The following ITSN1 variants were observed in gnomAD, a reference collection of about 807,000 sequenced individuals.
ITSN1 encodes intersectin 1.
In ITSN1, 58 loss-of-function variants were observed where a neutral mutation model predicts 239.8. The observed-to-expected ratio is 0.24, with a 90% CI of 0.20 to 0.30. ITSN1 has a LOEUF of 0.30. ITSN1 is among the 10% of genes least tolerant of loss of function. The pLI is 1.00. For missense variants in ITSN1, 1,558 were observed against 2,103.3 expected (o/e 0.74, Z 5.07); for synonymous variants, 780 against 770.8 (o/e 1.01, Z -0.20).
chr21:33,776,417 C>T (rs1332247617), intron 14 of ITSN1, among the ~76,000 whole-genome samples: 15 of 149,378 alleles, frequency 1.0e-4, no homozygotes, highest in Admixed American at 1.0e-3. Context: ...TAAAAATTAG[C>T]TGGCATGGGG....
At chr21:33,795,163 G>C (rs2071439562) in intron 17 of ITSN1, among the ~76,000 whole-genome samples, 1 of 152,130 alleles carries the variant, frequency 6.6e-6, no homozygotes, top group Non-Finnish European at 1.5e-5. Flanking sequence ...ATTGAAATTA[G>C]ATTAAGGCCA....
At chr21:33,779,430 C>T (rs2069965811) in intron 14 of ITSN1, among the ~76,000 whole-genome samples, 1 of 151,986 alleles carries the variant, frequency 6.6e-6, no homozygotes, top group South Asian at 2.1e-4. Flanking sequence ...TCTTCTAATT[C>T]TTTCACCTTT....
Position 33,865,120 on chromosome 21 carries a change from C to G in ITSN1, c.3891-31C>G, listed in dbSNP as rs759945221. 1 of 1,592,978 alleles carries G rather than the reference C, an allele frequency of 6.3e-7. No individual in the cohort carries two copies. Among genetic ancestry groups the G allele is most frequent in the Admixed American group, 1.7e-5 (1 of 58,676 alleles). ...GTGGTGCTGTCAGATAGCGTGAAAG[C>G]AGGGGGCTCACCTCCCGTGTTTCCG... On this transcript the variant is annotated intron_variant, in intron 31 of 39. Transcript: ENST00000381318. The surrounding 1 kb of genome is among the most constrained non-coding windows in gnomAD (Gnocchi z 4.4).
At chr21:33,855,197 G>C (rs41386447) in intron 29 of ITSN1, among the ~76,000 whole-genome samples, 3,002 of 152,322 alleles carry the variant, frequency 0.02, 35 homozygotes, top group Non-Finnish European at 0.029. Flanking sequence ...GCCAGAGCAG[G>C]CTTCTTGAAC....
At chr21:33,749,016 T>G (rs2067372332) in intron 5 of ITSN1, among the ~76,000 whole-genome samples, 1 of 148,150 alleles carries the variant, frequency 6.7e-6, no homozygotes, top group Non-Finnish European at 1.5e-5. Context: ...GAGACAAGGA[T>G]CTCACTGTAT....
In ITSN1 at chr21:33,888,476, C is replaced by T. The variant is rs866417555; in HGVS notation, c.*176C>T. On this transcript the variant is annotated 3_prime_UTR_variant, in exon 40 of 40. Coordinates refer to ENST00000381318, the MANE Select transcript of ITSN1 (RefSeq NM_003024.3). ...TCATTCTCGACAATCCTCCCTGCCC[C>T]GAAACAATTTCCTGTTTCATGAAAC... is the stretch of plus-strand genomic sequence containing the variant. 13 of 617,394 alleles carry T rather than the reference C, an allele frequency of 2.1e-5. No homozygotes were observed. The highest frequency in any genetic ancestry group is 6.3e-5 in the Admixed American group (2 of 31,846). 38.2% of individuals were successfully genotyped at this position (617,394 alleles called of 1,614,324 possible).
intron 33 of ITSN1, among the ~76,000 whole-genome samples, chr21:33,869,778 C>T (rs1256068614): frequency 6.6e-6 from 1 of 151,564 alleles, no homozygotes; most frequent in Non-Finnish European, 1.5e-5. Flanking sequence ...GTGCTCATTG[C>T]TACTGGGGTG....
intron 22 of ITSN1, among the ~76,000 whole-genome samples, chr21:33,816,429 T>C (rs2073276110): frequency 6.6e-6 from 1 of 152,208 alleles, no homozygotes; most frequent in Non-Finnish European, 1.5e-5. Context: ...TAAACTTTAA[T>C]AGCCTTTTGG....
At chr21:33,711,191 G>C (rs2146957652) in intron 1 of ITSN1, among the ~76,000 whole-genome samples, 1 of 152,158 alleles carries the variant, frequency 6.6e-6, no homozygotes, top group East Asian at 1.9e-4. Flanking sequence ...TATCTACACT[G>C]TCAAATTTAT....
At chr21:33,824,463 A>G (rs181538782) in intron 25 of ITSN1, among the ~76,000 whole-genome samples, 8 of 152,134 alleles carry the variant, frequency 5.3e-5, no homozygotes, top group Admixed American at 5.2e-4. Context: ...AAGTGTTGAC[A>G]GTCAATTCAC....
chr21:33,733,280 A>C (rs1232413734), intron 4 of ITSN1, among the ~76,000 whole-genome samples: 1 of 152,154 alleles, frequency 6.6e-6, no homozygotes, highest in African/African-American at 2.4e-5. Context: ...AATGTATATT[A>C]GTTCAGTGAG....
At chr21:33,798,922 G>A (rs1283637445) in intron 18 of ITSN1, among the ~76,000 whole-genome samples, 1 of 152,032 alleles carries the variant, frequency 6.6e-6, no homozygotes, top group Non-Finnish European at 1.5e-5. Flanking sequence ...ATTGATCTTA[G>A]GAAGTTAGTT....
rs532805922 is a variant in ITSN1 at position 33,892,881 on chromosome 21, A to G, written c.*4581A>G. Reference sequence around the variant, plus strand: ...TCATGAGGTGATATCGTAAAGCAGCAGAAAGACTGAGGGTGCAAAGAAACC... The same window carrying G: ...TCATGAGGTGATATCGTAAAGCAGCGGAAAGACTGAGGGTGCAAAGAAACC... On this transcript the variant is annotated 3_prime_UTR_variant, in exon 40 of 40. Transcript: ENST00000381318. 9 of 152,336 alleles carry G rather than the reference A, an allele frequency of 5.9e-5. 1 individual carries two copies. The highest frequency in any genetic ancestry group is 2.2e-4 in the African/African-American group (9 of 41,562). The allele number at this position is 152,336 out of a possible 1,614,324, so 9.4% of individuals were successfully genotyped here.
Position 33,834,291 on chromosome 21 carries a change from A to G in ITSN1, c.3352-16A>G. ...TGCGCCTTTAAAAATGTTTGATGTA[A>G]TTATTTTCTTACTAGGCACGTGGGA... On this transcript the variant is annotated splice_polypyrimidine_tract_variant and intron_variant, in intron 27 of 39. Transcript: ENST00000381318. 1 of 1,589,584 alleles carries G rather than the reference A, an allele frequency of 6.3e-7. No homozygotes were observed. The highest frequency in any genetic ancestry group is 8.6e-7 in the Non-Finnish European group (1 of 1,157,958).
At chr21:33,826,444 C>G (rs1434327648) in intron 25 of ITSN1, among the ~76,000 whole-genome samples, 3 of 152,176 alleles carry the variant, frequency 2.0e-5, no homozygotes, top group African/African-American at 7.2e-5. Flanking sequence ...TGAAATATTT[C>G]ATAATTAGCC....
chr21:33,725,517 T>G (rs2147142265), intron 4 of ITSN1, among the ~76,000 whole-genome samples: 1 of 152,250 alleles, frequency 6.6e-6, no homozygotes, highest in South Asian at 2.1e-4. Flanking sequence ...GGAGGATTGC[T>G]TGAGCCCTGG....
chr21:33,710,829 C>A (rs191366671), intron 1 of ITSN1, among the ~76,000 whole-genome samples: 1 of 142,576 alleles, frequency 7.0e-6, no homozygotes, highest in East Asian at 2.1e-4. Context: ...TCTTTTGAGA[C>A]GGAGTCTTGC....
At chr21:33,710,146 T>G (rs2146944338) in intron 1 of ITSN1, among the ~76,000 whole-genome samples, 1 of 151,142 alleles carries the variant, frequency 6.6e-6, no homozygotes, top group Non-Finnish European at 1.5e-5. Flanking sequence ...TGGCATGATC[T>G]CGGCTCACTG....
At chr21:33,685,851 C>A (rs2091210412) in intron 1 of ITSN1, among the ~76,000 whole-genome samples, 1 of 152,168 alleles carries the variant, frequency 6.6e-6, no homozygotes, top group Non-Finnish European at 1.5e-5. Flanking sequence ...ATAATTTCTG[C>A]ATTTCAAGTG....
Sources: gnomAD v4.1 joint callset for allele counts (sites outside exome capture counted in the v4.1 genomes callset) on GRCh38, gnomAD v4.1.1 for gene constraint, Gnocchi (gnomAD v3.1) non-coding constraint, MANE v1.5 for transcripts, NCBI Gene and HGNC (gene_info 2026-07-23, HGNC 2026-07-21) for gene names.